Variants in BAZ1A observed in about 807,000 individuals in gnomAD.
BAZ1A encodes the protein bromodomain adjacent to zinc finger domain protein 1A.
A neutral mutation model predicts 185.2 loss-of-function variants in BAZ1A; 50 were observed. That is an observed-to-expected ratio of 0.27 (90% CI 0.22 to 0.34). The LOEUF (loss-of-function observed/expected upper bound fraction) is 0.34. Ranked by LOEUF, BAZ1A falls within the 10% of genes least tolerant of loss-of-function variation. The probability of loss-of-function intolerance (pLI) is 1.00; values close to 1 mark genes in which losing one functional copy is unlikely to be tolerated. For synonymous variants in BAZ1A, 571 were observed against 615.6 expected, an observed-to-expected ratio of 0.93 and a Z score of 1.07; for missense variants, 1,356 against 1,839.9, an observed-to-expected ratio of 0.74 and a Z score of 4.81.
At chr14:34,833,855 GT>G (rs1312494394) in intron 3 of BAZ1A, among the ~76,000 whole-genome samples, 1 of 151,964 alleles carries the variant, frequency 6.6e-6, no homozygotes, top group African/African-American at 2.4e-5. Context: ...GACAAAAATA[GT>G]AAAAATTTTA....
chr14:34,862,106 T>G lies in BAZ1A; in HGVS notation c.330A>C (p.Ala110=), dbSNP rs758608311. 2 of 1,614,070 alleles carry G rather than the reference T, an allele frequency of 1.2e-6. No individual in the cohort carries two copies. The highest frequency in any genetic ancestry group is 1.7e-6 in the Non-Finnish European group (2 of 1,180,004). Residue 110 remains alanine (A), a synonymous_variant, in exon 3 of 27, where the codon GCA becomes GCC. Coordinates refer to ENST00000360310, the MANE Select transcript of BAZ1A (RefSeq NM_013448.3). ...RLHEICDDIF[A]YVKDRYFVEE... ...CGACAAAATATCGATCCTTGACATA[T>G]GCAAAGATATCATCACAAATTTCAT... is the stretch of plus-strand genomic sequence containing the variant.
At chr14:34,868,537 C>T (rs2042898030) in intron 2 of BAZ1A, among the ~76,000 whole-genome samples, 1 of 152,166 alleles carries the variant, frequency 6.6e-6, no homozygotes, top group Non-Finnish European at 1.5e-5. Flanking sequence ...GGTGCCGTGA[C>T]TCACGCCTGT....
chr14:34,785,913 T>A lies in BAZ1A; in HGVS notation c.1695A>T (p.Thr565=). 1 of 1,614,148 alleles carries A rather than the reference T, an allele frequency of 6.2e-7. No homozygotes were observed. Among genetic ancestry groups the A allele is most frequent in the South Asian group, 1.1e-5 (1 of 91,088 alleles). Residue 565 remains threonine (T), a synonymous_variant, in exon 14 of 27, where the codon ACA becomes ACT. Coordinates refer to ENST00000360310, the MANE Select transcript of BAZ1A (RefSeq NM_013448.3). ...LHILASGADV[T]SANAKYRYQK... Reference sequence around the variant, plus strand: ...GATATCTATACTTTGCATTTGCTGATGTTACATCAGCACCTGAAGCTAAGA... The same window carrying A: ...GATATCTATACTTTGCATTTGCTGAAGTTACATCAGCACCTGAAGCTAAGA...
In BAZ1A at chr14:34,800,105, T is replaced by A. The variant is rs573129276; in HGVS notation, c.1128+119A>T. The A allele has an allele frequency of 7.7e-6, 8 of 1,033,586 alleles. No homozygotes were observed. The East Asian group carries it at 2.4e-4, about 31-fold the overall frequency. 64.0% of individuals were successfully genotyped at this position (1,033,586 alleles called of 1,614,324 possible). A position where few individuals can be genotyped will look rare whatever the true frequency, so the allele number is the denominator to read the frequency against. On this transcript the variant is annotated intron_variant, in intron 9 of 26. Transcript: ENST00000360310. ...GGGAGATAAACCAATCAACTTTCTA[T>A]GCACATTCATAAATGTGAATGAAAG...
chr14:34,757,642 G>T (rs1361466287), intron 25 of BAZ1A, among the ~76,000 whole-genome samples: 1 of 151,618 alleles, frequency 6.6e-6, no homozygotes, highest in Admixed American at 6.6e-5. Context: ...TCCAGCCGGG[G>T]GACAAAAGCA....
Position 34,771,639 on chromosome 14 carries a change from T to C in BAZ1A, c.3173A>G (p.Glu1058Gly). ...VKDRLLGIKT[E>G]TPSTVSTNAS... The stretch of plus-strand genomic sequence containing the variant: ...ATTTGTTGATACAGTACTTGGAGTT[T>C]CTGTTTTTATCCCCAAAAGTCTACA... Residue 1058 changes from glutamate to glycine, a missense_variant, in exon 21 of 27, where the codon GAA (glutamate) becomes GGA (glycine). Glu to Gly is a moderately conservative substitution (Grantham distance 98). Transcript: ENST00000360310. 1 of 1,612,722 alleles carries C rather than the reference T, an allele frequency of 6.2e-7. No individual in the cohort carries two copies. Among genetic ancestry groups the C allele is most frequent in the Non-Finnish European group, 8.5e-7 (1 of 1,179,548 alleles).
At chr14:34,778,450 C>T (rs1879809837) in intron 17 of BAZ1A, among the ~76,000 whole-genome samples, 1 of 152,114 alleles carries the variant, frequency 6.6e-6, no homozygotes, top group Non-Finnish European at 1.5e-5. Flanking sequence ...ATTTCTTTTG[C>T]TTGAAAGAGT....
In BAZ1A at chr14:34,846,437, C is replaced by A. The variant is rs77195221; in HGVS notation, c.392+15607G>T. Among the ~76,000 whole-genome samples, 809 of 152,300 alleles carry A rather than the reference C, an allele frequency of 5.3e-3. 2 individuals carry two copies. The highest frequency in any genetic ancestry group is 8.8e-3 in the Non-Finnish European group (599 of 68,018). ...AGACAGATGCTCCTGATAGCCACTA[C>A]AATTTGGAAGCCCTTAGAACACTGA... On this transcript the variant is annotated intron_variant, in intron 3 of 26. Coordinates refer to ENST00000360310, the MANE Select transcript of BAZ1A (RefSeq NM_013448.3).
intron 3 of BAZ1A, among the ~76,000 whole-genome samples, chr14:34,841,452 G>A (rs753337173): frequency 2.0e-5 from 3 of 152,068 alleles, no homozygotes; most frequent in Non-Finnish European, 4.4e-5. Context: ...GTGCAATGGT[G>A]CAATCTTGGC....
In BAZ1A at chr14:34,765,730, T is replaced by C. The variant is rs539678192; in HGVS notation, c.3302-462A>G. Among the ~76,000 whole-genome samples the C allele has an allele frequency of 2.6e-5, 4 of 152,254 alleles. No homozygotes were observed. In the South Asian group the frequency reaches 8.3e-4, roughly 32 times the overall value. ...AAATTGTGGTAAGTAAAAACAATGT[T>C]AATACTACCAAAATGGATTTTTCAG... On this transcript the variant is annotated intron_variant, in intron 21 of 26. Coordinates refer to ENST00000360310, the MANE Select transcript of BAZ1A (RefSeq NM_013448.3).
intron 4 of BAZ1A, among the ~76,000 whole-genome samples, chr14:34,813,903 C>G (rs1225580855): frequency 1.3e-5 from 2 of 151,232 alleles, no homozygotes; most frequent in East Asian, 3.9e-4. Context: ...ATTAGCCGGC[C>G]TTGGTGGCCT....
intron 21 of BAZ1A, among the ~76,000 whole-genome samples, chr14:34,766,457 G>A (rs1301609492): frequency 6.6e-6 from 1 of 152,070 alleles, no homozygotes; most frequent in African/African-American, 2.4e-5. Flanking sequence ...CGGGTAGGGT[G>A]AGATTGACAG....
intron 12 of BAZ1A, 42 bp downstream of exon 12, chr14:34,792,733 A>G: frequency 6.3e-7 from 1 of 1,591,516 alleles, no homozygotes; most frequent in South Asian, 1.2e-5. Flanking sequence ...GTTTCGCTAC[A>G]AAACTACTAT....
At chr14:34,815,393 T>G (rs2041991416) in intron 4 of BAZ1A, among the ~76,000 whole-genome samples, 1 of 152,208 alleles carries the variant, frequency 6.6e-6, no homozygotes, top group South Asian at 2.1e-4. Flanking sequence ...AACTTACATT[T>G]TAATCATTTT....
intron 17 of BAZ1A, among the ~76,000 whole-genome samples, chr14:34,778,241 A>G (rs1210960272): frequency 6.6e-6 from 1 of 152,226 alleles, no homozygotes; most frequent in Non-Finnish European, 1.5e-5. Context: ...CCACCTAGCT[A>G]GAATGCAGAC....
intron 18 of BAZ1A, 50 bp from the exon 19 acceptor site, chr14:34,774,540 C>T (rs759348044): frequency 1.4e-6 from 2 of 1,446,276 alleles, no homozygotes; most frequent in East Asian, 4.8e-5. Context: ...TTAAAAACTA[C>T]AATTACTCCA....
chr14:34,874,464 G>A lies in BAZ1A; in HGVS notation c.113+28C>T. 6.3e-7 allele frequency: 1 copy of A among 1,590,424 alleles called. No homozygotes were observed. Among genetic ancestry groups the A allele is most frequent in the Non-Finnish European group, 8.6e-7 (1 of 1,159,768 alleles). ...TGCGGGGGGAGTCCCCACACCCCCCGCGGCCCCGCACACGGCCCGGCTCTT... is the reference window on the plus strand; with the variant it reads ...TGCGGGGGGAGTCCCCACACCCCCCACGGCCCCGCACACGGCCCGGCTCTT... On this transcript the variant is annotated intron_variant, in intron 2 of 26. Transcript: ENST00000360310. This position sits in a 1 kb window ranked among gnomAD's most constrained non-coding sequence, Gnocchi z 4.7.
chr14:34,789,021 C>T (rs1880678738), intron 12 of BAZ1A, among the ~76,000 whole-genome samples: 1 of 152,166 alleles, frequency 6.6e-6, no homozygotes, highest in Non-Finnish European at 1.5e-5. Flanking sequence ...GAGAAGCTAT[C>T]TATAAAATTT....
At chr14:34,827,929 C>T (rs1291491481) in intron 3 of BAZ1A, among the ~76,000 whole-genome samples, 4 of 151,988 alleles carry the variant, frequency 2.6e-5, no homozygotes, top group African/African-American at 7.3e-5. Context: ...CCTATTCTGG[C>T]TTCCTTTACT....
Sources: gnomAD v4.1 joint callset for allele counts (sites outside exome capture counted in the v4.1 genomes callset) on GRCh38, gnomAD v4.1.1 for gene constraint, Gnocchi (gnomAD v3.1) non-coding constraint, MANE v1.5 for transcripts, NCBI Gene and HGNC (gene_info 2026-07-23, HGNC 2026-07-21) for gene names.